PARD3B: variants seen among roughly 807,000 people sequenced by gnomAD.
The protein encoded by PARD3B is partitioning defective 3 homolog B.
Under a neutral mutation model 130.2 loss-of-function variants are expected in PARD3B, and 103 were observed. The observed-to-expected ratio is 0.79, with a 90% CI of 0.67 to 0.93. The LOEUF (loss-of-function observed/expected upper bound fraction) is 0.93. Among genes scored for constraint, PARD3B ranks in the 40% least tolerant of loss-of-function variants. The probability of loss-of-function intolerance (pLI) is 0.00; values close to 1 mark genes in which losing one functional copy is unlikely to be tolerated. For synonymous variants in PARD3B, 583 were observed against 553.2 expected, an observed-to-expected ratio of 1.05 and a Z score of -0.76; for missense variants, 1,609 against 1,499.2, an observed-to-expected ratio of 1.07 and a Z score of -1.21.
intron 2 of PARD3B, among the ~76,000 whole-genome samples, chr2:204,959,122 C>A (rs554229088): frequency 1.5e-4 from 23 of 152,078 alleles, no homozygotes; most frequent in Non-Finnish European, 2.6e-4. Flanking sequence ...TGCTCTCCCT[C>A]CCCTTTCCCG....
intron 2 of PARD3B, among the ~76,000 whole-genome samples, chr2:204,837,422 CTT>C (rs201988854): frequency 2.1e-4 from 29 of 140,050 alleles, no homozygotes; most frequent in East Asian, 4.1e-4. Flanking sequence ...ATAAAAATTA[CTT>C]TTTTTTTTTT....
chr2:205,338,152 CAAAAAAA>C (rs1159561152), intron 18 of PARD3B, among the ~76,000 whole-genome samples: 2 of 20,458 alleles, frequency 9.8e-5, no homozygotes, highest in South Asian at 2.2e-3. Flanking sequence ...GACTCCATCT[CAAAAAAA>C]AAAAAAAAAA....
In PARD3B at chr2:204,545,899, C is replaced by G; in HGVS notation, c.-101C>G. ...TGTTCCGGGGAGCGGCGCCCCGGGT[C>G]TCTGGGCCCACCCGCCCCGGGCGTC... is the stretch of plus-strand genomic sequence containing the variant. On this transcript the variant is annotated 5_prime_UTR_variant, in exon 1 of 23. Transcript: ENST00000406610. 1 of 1,332,798 alleles carries G rather than the reference C, an allele frequency of 7.5e-7. No homozygotes were observed. Among genetic ancestry groups the G allele is most frequent in the Non-Finnish European group, 9.8e-7 (1 of 1,020,972 alleles). The allele number at this position is 1,332,798 out of a possible 1,614,324, so 82.6% of individuals were successfully genotyped here.
chr2:205,290,636 T>C (rs1477967938), intron 16 of PARD3B, among the ~76,000 whole-genome samples: 1 of 152,200 alleles, frequency 6.6e-6, no homozygotes, highest in Non-Finnish European at 1.5e-5. Context: ...TTCAAAGAGA[T>C]AGCCATTTCA....
chr2:204,932,678 T>C (rs987282619), intron 2 of PARD3B, among the ~76,000 whole-genome samples: 4 of 152,192 alleles, frequency 2.6e-5, no homozygotes, highest in Non-Finnish European at 4.4e-5. Context: ...AGTAAATGTG[T>C]CTAGGAATTG....
At chr2:205,036,176 T>C (rs1389907697) in intron 3 of PARD3B, among the ~76,000 whole-genome samples, 2 of 146,050 alleles carry the variant, frequency 1.4e-5, no homozygotes, top group East Asian at 3.9e-4. Flanking sequence ...TATAGTGGAC[T>C]ATATATACAA....
chr2:204,775,747 ATTTC>A (rs1245733218), intron 2 of PARD3B, among the ~76,000 whole-genome samples: 1 of 152,102 alleles, frequency 6.6e-6, no homozygotes, highest in Admixed American at 6.6e-5. Context: ...TCTTCTAGTT[ATTTC>A]TTAGGGCTTC....
Position 204,953,430 on chromosome 2 carries a change from G to C in PARD3B, c.223-11722G>C, listed in dbSNP as rs1222645710. Among the ~76,000 whole-genome samples, 400 of 90,762 alleles carry C rather than the reference G, an allele frequency of 4.4e-3. 3 individuals are homozygous for C. Among genetic ancestry groups the C allele is most frequent in the South Asian group, 0.033 (108 of 3,284 alleles). 59.5% of individuals were successfully genotyped at this position (90,762 alleles called of 152,430 possible). On this transcript the variant is annotated intron_variant, in intron 2 of 22. Transcript: ENST00000406610. Reference sequence around the variant, plus strand: ...TAACATACACACACACAGAGAGAGAGAGAGAGAGAGAGAGAGAGAGAGAGA... The same window carrying C: ...TAACATACACACACACAGAGAGAGACAGAGAGAGAGAGAGAGAGAGAGAGA...
intron 1 of PARD3B, among the ~76,000 whole-genome samples, chr2:204,629,275 TC>T (rs1390555863): frequency 6.6e-6 from 1 of 152,200 alleles, no homozygotes; most frequent in African/African-American, 2.4e-5. Context: ...AAATTAGCTT[TC>T]CAAGAATTAG....
At chr2:205,272,157 CAAAA>C (rs764741961) in intron 16 of PARD3B, among the ~76,000 whole-genome samples, 1 of 96,516 alleles carries the variant, frequency 1.0e-5, no homozygotes. Context: ...GACTCTGTCT[CAAAA>C]AAAAAAAAAA....
intron 2 of PARD3B, among the ~76,000 whole-genome samples, chr2:204,940,672 T>G (rs934344701): frequency 2.3e-4 from 35 of 152,108 alleles, no homozygotes; most frequent in Admixed American, 5.2e-4. Context: ...TATAAAGAGG[T>G]GGGACAATTT....
rs895744688 is a variant in PARD3B, at chr2:205,158,108, A to G, written c.1435-614A>G. ...CTACCTGAAGATGCAGGCTGAAAGC[A>G]TGAGTTTTGACAAAGTGAAATTTCA... On this transcript the variant is annotated intron_variant, in intron 10 of 22. Transcript: ENST00000406610. This position sits in a 1 kb window ranked among gnomAD's most constrained non-coding sequence, Gnocchi z 5.4. Among the ~76,000 whole-genome samples the G allele has an allele frequency of 1.3e-5, 2 of 152,218 alleles. No homozygotes were observed. Among genetic ancestry groups the G allele is most frequent in the Admixed American group, 6.5e-5 (1 of 15,288 alleles).
intron 1 of PARD3B, among the ~76,000 whole-genome samples, chr2:204,620,203 A>G (rs1307993747): frequency 2.0e-5 from 3 of 152,070 alleles, no homozygotes; most frequent in Non-Finnish European, 4.4e-5. Flanking sequence ...GGGTTTCACC[A>G]TGTTGCCCAG....
chr2:205,449,232 T>A (rs2106189264), intron 20 of PARD3B, among the ~76,000 whole-genome samples: 1 of 152,076 alleles, frequency 6.6e-6, no homozygotes, highest in East Asian at 1.9e-4. Flanking sequence ...AGACCGCTTT[T>A]TTTTTTGTTG....
At chr2:205,497,454 T>TACAA (rs1312623933) in intron 20 of PARD3B, among the ~76,000 whole-genome samples, 1 of 149,552 alleles carries the variant, frequency 6.7e-6, no homozygotes, top group African/African-American at 2.5e-5. Flanking sequence ...TTTTGTAATT[T>TACAA]ACAAACACAG....
chr2:205,038,327 G>GT (rs1378830041), intron 3 of PARD3B, among the ~76,000 whole-genome samples: 1 of 152,026 alleles, frequency 6.6e-6, no homozygotes, highest in African/African-American at 2.4e-5. Flanking sequence ...TACTTTACTT[G>GT]TTTTTTTAGA....
In PARD3B at chr2:205,208,520, G is replaced by T. The variant is rs530616962; in HGVS notation, c.2140+15200G>T. 7.3e-3 allele frequency among the ~76,000 whole-genome samples: 1,058 copies of T among 145,030 alleles called. 55 individuals carry two copies. The highest frequency in any genetic ancestry group is 0.027 in the African/African-American group (989 of 37,304). ...TAAGCTGATAAGCAACTTCAGCAAA[G>T]TCTCAGGATACAAAATCAATGTACA... On this transcript the variant is annotated intron_variant, in intron 15 of 22. Transcript: ENST00000406610.
At chr2:205,311,354 C>A (rs1048414608) in intron 18 of PARD3B, among the ~76,000 whole-genome samples, 1 of 152,048 alleles carries the variant, frequency 6.6e-6, no homozygotes, top group Admixed American at 6.5e-5. Flanking sequence ...TGTTAATAAC[C>A]ATTTTAACAA....
chr2:205,464,478 G>T (rs1340555459), intron 20 of PARD3B, among the ~76,000 whole-genome samples: 8 of 152,116 alleles, frequency 5.3e-5, no homozygotes, highest in Non-Finnish European at 1.0e-4. Context: ...CAAGTAAGTT[G>T]CAGCCACAGT....
Sources: gnomAD v4.1 joint callset for allele counts (sites outside exome capture counted in the v4.1 genomes callset) on GRCh38, gnomAD v4.1.1 for gene constraint, Gnocchi (gnomAD v3.1) non-coding constraint, MANE v1.5 for transcripts, NCBI Gene and HGNC (gene_info 2026-07-23, HGNC 2026-07-21) for gene names.